Variants in LRMDA observed in about 807,000 individuals in gnomAD.
The protein encoded by LRMDA is leucine rich melanocyte differentiation associated.
In LRMDA, 18 loss-of-function variants were observed where a neutral mutation model predicts 29.8. The observed-to-expected ratio is 0.60, with a 90% CI of 0.42 to 0.90. The LOEUF (loss-of-function observed/expected upper bound fraction) is 0.90. Ranked by LOEUF, LRMDA falls within the 40% of genes least tolerant of loss-of-function variation. The pLI is 0.00. For missense variants in LRMDA, 273 were observed against 273.9 expected (o/e 1.00, Z 0.02); for synonymous variants, 125 against 109.4 (o/e 1.14, Z -0.89).
intron 2 of LRMDA, among the ~76,000 whole-genome samples, chr10:75,740,990 A>G (rs997349736): frequency 6.6e-6 from 1 of 152,114 alleles, no homozygotes; most frequent in South Asian, 2.1e-4. Context: ...TCACAAGAAG[A>G]TCTCTTACTT....
chr10:76,038,726 A>G (rs1848293817), intron 3 of LRMDA, among the ~76,000 whole-genome samples: 2 of 152,146 alleles, frequency 1.3e-5, no homozygotes, highest in East Asian at 3.9e-4. Context: ...CTTTCCAACA[A>G]TTTCTAGGTT....
In LRMDA at chr10:76,076,837, A is replaced by G. The variant is rs539826278; in HGVS notation, c.516+18054A>G. Among the ~76,000 whole-genome samples the G allele has an allele frequency of 3.9e-5, 6 of 152,268 alleles. 1 individual carries two copies. In the Middle Eastern group the frequency reaches 0.01, roughly 259 times the overall value. On this transcript the variant is annotated intron_variant, in intron 5 of 6. Transcript: ENST00000611255. ...TTCAAGGGTCGGGCAGACAACAAAC[A>G]AATATGTTGCATTTATAGCCAGGAA... is the stretch of plus-strand genomic sequence containing the variant.
At chr10:76,484,916 T>C (rs763215081) in intron 6 of LRMDA, among the ~76,000 whole-genome samples, 1 of 151,878 alleles carries the variant, frequency 6.6e-6, no homozygotes, top group Non-Finnish European at 1.5e-5. Context: ...TCTCCGATAA[T>C]TTTCCTTTAC....
At chr10:75,868,679 C>T (rs1845059592) in intron 2 of LRMDA, among the ~76,000 whole-genome samples, 1 of 152,214 alleles carries the variant, frequency 6.6e-6, no homozygotes, top group African/African-American at 2.4e-5. Context: ...GCCTCTCCCG[C>T]TTGTTTAGCG....
In LRMDA at chr10:75,717,973, C is replaced by G. The variant is rs986435950; in HGVS notation, c.131+279479C>G. On this transcript the variant is annotated intron_variant, in intron 2 of 6. Transcript: ENST00000611255. ...TGTTTTATTGCCTCAAAATGTAGTC[C>G]CCAGCTAGTGAGGAAGGAAAGCTTC... Among the ~76,000 whole-genome samples, 3 of 152,020 alleles carry G rather than the reference C, an allele frequency of 2.0e-5. No individual in the cohort carries two copies. The South Asian group carries it at 6.2e-4, about 32-fold the overall frequency.
intron 6 of LRMDA, among the ~76,000 whole-genome samples, chr10:76,472,410 A>C (rs530239908): frequency 6.6e-6 from 1 of 151,890 alleles, no homozygotes; most frequent in East Asian, 1.9e-4. Flanking sequence ...CTAAAGCTAA[A>C]GTAAACAGAG....
At chr10:76,225,222 C>T (rs1242860334) in intron 5 of LRMDA, among the ~76,000 whole-genome samples, 2 of 151,924 alleles carry the variant, frequency 1.3e-5, no homozygotes, top group East Asian at 3.9e-4. Context: ...ACCAGCCTGG[C>T]CAACATGGTG....
At position 75,835,784 on chromosome 10, in the gene LRMDA, G is replaced by T. The variant is rs537655449; in HGVS notation, c.132-200224G>T. On this transcript the variant is annotated intron_variant, in intron 2 of 6. Coordinates refer to ENST00000611255, the MANE Select transcript of LRMDA (RefSeq NM_001305581.2). ...GACTCTCTACTGTTATGCTTCTTTG[G>T]TTCTGGGCTTTCATTGCAATGAGGT... 5.9e-5 allele frequency among the ~76,000 whole-genome samples: 9 copies of T among 152,272 alleles called. 1 individual carries two copies. In the South Asian group the frequency reaches 1.9e-3, roughly 32 times the overall value.
chr10:75,937,832 A>G (rs796220988), intron 2 of LRMDA, among the ~76,000 whole-genome samples: 3 of 152,352 alleles, frequency 2.0e-5, no homozygotes, highest in Admixed American at 6.5e-5. Flanking sequence ...ATATATTAGC[A>G]GGCATGTATG....
intron 2 of LRMDA, among the ~76,000 whole-genome samples, chr10:75,967,104 C>T (rs1564618776): frequency 6.6e-6 from 1 of 152,132 alleles, no homozygotes; most frequent in East Asian, 1.9e-4. Flanking sequence ...GGTTTGCCCT[C>T]GACTTGCAGG....
intron 5 of LRMDA, among the ~76,000 whole-genome samples, chr10:76,232,178 T>C (rs561258584): frequency 6.6e-6 from 1 of 152,318 alleles, no homozygotes; most frequent in East Asian, 1.9e-4. Context: ...GTGATATGAT[T>C]TAAAATAACC....
At chr10:75,732,376 G>A (rs1842710341) in intron 2 of LRMDA, among the ~76,000 whole-genome samples, 1 of 152,282 alleles carries the variant, frequency 6.6e-6, no homozygotes, top group East Asian at 1.9e-4. Context: ...AGATTCTTGG[G>A]CAAGAGTACA....
chr10:75,459,420 T>G (rs1844558776), intron 2 of LRMDA, among the ~76,000 whole-genome samples: 1 of 152,182 alleles, frequency 6.6e-6, no homozygotes, highest in Non-Finnish European at 1.5e-5. Context: ...AAGGGAGGCC[T>G]CAACCATACC....
At chr10:75,619,402 C>T (rs1359840929) in intron 2 of LRMDA, among the ~76,000 whole-genome samples, 2 of 152,158 alleles carry the variant, frequency 1.3e-5, no homozygotes, top group South Asian at 4.1e-4. Context: ...AAATTTCCCT[C>T]CCAGAGTTTG....
chr10:76,410,724 G>C (rs947116832), intron 6 of LRMDA, among the ~76,000 whole-genome samples: 1 of 152,130 alleles, frequency 6.6e-6, no homozygotes. Flanking sequence ...GAGGCCAAGG[G>C]GGGTGGATCA....
chr10:76,058,779 C>T lies in LRMDA; in HGVS notation c.512C>T (p.Pro171Leu), dbSNP rs1185480048. The change falls in exon 5 of 7, where the codon CCC (proline) becomes CTC (leucine). Residue 171 changes from proline to leucine, a missense_variant. Transcript: ENST00000611255. The stretch of plus-strand genomic sequence containing the variant: ...GGAGTCTTCATGAAGGTGGTGAAGC[C>T]CAAGGTGAGCTGCCTACTTGCTGTT... The part of the protein sequence containing the change: ...VRGVFMKVVK[P>L]KASSEDVASS... 1.9e-6 allele frequency: 3 copies of T among 1,607,946 alleles called. No homozygotes were observed. Among genetic ancestry groups the T allele is most frequent in the Middle Eastern group, 1.7e-4 (1 of 6,040 alleles).
chr10:76,425,993 G>T (rs937527595), intron 6 of LRMDA, among the ~76,000 whole-genome samples: 1 of 152,146 alleles, frequency 6.6e-6, no homozygotes, highest in African/African-American at 2.4e-5. Flanking sequence ...TCTTAATCCA[G>T]TCTATCATTG....
At chr10:76,078,814 G>A (rs1231466263) in intron 5 of LRMDA, among the ~76,000 whole-genome samples, 3 of 152,104 alleles carry the variant, frequency 2.0e-5, no homozygotes, top group Non-Finnish European at 2.9e-5. Context: ...CAGCCTGGGC[G>A]ACAGAGCGAG....
At chr10:76,027,501 A>G (rs953566449) in intron 2 of LRMDA, among the ~76,000 whole-genome samples, 4 of 152,218 alleles carry the variant, frequency 2.6e-5, no homozygotes, top group African/African-American at 9.7e-5. Context: ...TCTGGGAGAT[A>G]TAGATAGGTA....
Sources: gnomAD v4.1 joint callset for allele counts (sites outside exome capture counted in the v4.1 genomes callset) on GRCh38, gnomAD v4.1.1 for gene constraint, MANE v1.5 for transcripts, NCBI Gene and HGNC (gene_info 2026-07-23, HGNC 2026-07-21) for gene names.